The following SNW1 variants were observed in gnomAD, a reference collection of about 807,000 sequenced individuals.
SNW1 encodes SNW domain-containing protein 1.
SNW1 carries 9 observed loss-of-function variants against 75.6 expected under a neutral mutation model. The ratio of observed to expected loss-of-function variants is 0.12; its 90% confidence interval spans 0.07 to 0.21. The LOEUF (loss-of-function observed/expected upper bound fraction) is 0.21. Among genes scored for constraint, SNW1 ranks in the 10% least tolerant of loss-of-function variants. SNW1 has a pLI of 1.00. For missense variants in SNW1, 409 were observed against 670.9 expected (o/e 0.61, Z 4.31); for synonymous variants, 200 against 219.1 (o/e 0.91, Z 0.77).
At chr14:77,750,487 C>T (rs1311225821) in intron 3 of SNW1, among the ~76,000 whole-genome samples, 1 of 152,138 alleles carries the variant, frequency 6.6e-6, no homozygotes, top group East Asian at 1.9e-4. Context: ...TCCCCCAAAG[C>T]TCAGCAGCCA....
intron 10 of SNW1, among the ~76,000 whole-genome samples, chr14:77,727,058 T>TA (rs1430947238): frequency 1.3e-5 from 2 of 151,788 alleles, no homozygotes; most frequent in Non-Finnish European, 2.9e-5. Flanking sequence ...GATGTCTTGT[T>TA]TTTTTTTGTT....
chr14:77,743,116 T>G lies in SNW1; in HGVS notation c.331-4055A>C, dbSNP rs375219496. Among the ~76,000 whole-genome samples, 8 of 151,728 alleles carry G rather than the reference T, an allele frequency of 5.3e-5. No individual in the cohort carries two copies. The East Asian group carries it at 9.8e-4, about 19-fold the overall frequency. On this transcript the variant is annotated intron_variant, in intron 3 of 13. Coordinates refer to ENST00000261531, the MANE Select transcript of SNW1 (RefSeq NM_012245.3). ...GGCACATGCCTGTAATCCCAGCTAC[T>G]CAGGAGGCTGAGGCAGGAGAATCAC...
intron 7 of SNW1, 124 bp from the exon 8 acceptor site, chr14:77,735,136 C>A: frequency 1.7e-6 from 1 of 591,816 alleles, no homozygotes. Flanking sequence ...TAGTAAAAGG[C>A]CAGCAGTCCA....
rs1028039450 is a variant in SNW1, at chr14:77,718,590, CAT to C, written c.1249-62_1249-61del. The C allele has an allele frequency of 1.6e-4, 184 of 1,161,714 alleles. 1 individual carries two copies. Among genetic ancestry groups the C allele is most frequent in the Non-Finnish European group, 2.5e-5 (20 of 806,262 alleles). 72.0% of individuals were successfully genotyped at this position (1,161,714 alleles called of 1,614,324 possible). ...AAACATTGTTTATCAAAAGCTGAATCATAACATGTTTACAGTAAACCCTTGCT... is the reference window on the plus strand; with the variant it reads ...AAACATTGTTTATCAAAAGCTGAATCAACATGTTTACAGTAAACCCTTGCT... On this transcript the variant is annotated intron_variant, in intron 12 of 13. Coordinates refer to ENST00000261531, the MANE Select transcript of SNW1 (RefSeq NM_012245.3).
intron 9 of SNW1, 90 bp downstream of exon 9, chr14:77,732,395 C>A: frequency 1.3e-6 from 1 of 768,778 alleles, no homozygotes; most frequent in Non-Finnish European, 2.2e-6. Flanking sequence ...TTTGGGTGCT[C>A]GGTACTATAG....
At chr14:77,746,118 C>T (rs191108569) in intron 3 of SNW1, among the ~76,000 whole-genome samples, 66 of 152,270 alleles carry the variant, frequency 4.3e-4, no homozygotes, top group Non-Finnish European at 8.2e-4. Flanking sequence ...TTCAGTATTC[C>T]GATCAGGAGA....
intron 12 of SNW1, among the ~76,000 whole-genome samples, chr14:77,720,307 G>A (rs1229425901): frequency 7.9e-5 from 12 of 152,044 alleles, no homozygotes; most frequent in Admixed American, 5.9e-4. Context: ...GCTAGTTTTC[G>A]TATTTTTAGT....
chr14:77,744,748 C>G (rs1001730487), intron 3 of SNW1, among the ~76,000 whole-genome samples: 1 of 152,046 alleles, frequency 6.6e-6, no homozygotes, highest in African/African-American at 2.4e-5. Context: ...AAATTGTTGC[C>G]CTTAGATGTT....
In SNW1 at chr14:77,717,934, T is replaced by C; in HGVS notation, c.*154A>G. 3 of 666,948 alleles carry C rather than the reference T, an allele frequency of 4.5e-6. No individual in the cohort carries two copies. 41.3% of individuals were successfully genotyped at this position (666,948 alleles called of 1,614,324 possible). ...AACTAAATAATTCAAAGTAGAATTT[T>C]CTATCCCCCCCATTTCTCCAGTAAT... On this transcript the variant is annotated 3_prime_UTR_variant, in exon 14 of 14. Coordinates refer to ENST00000261531, the MANE Select transcript of SNW1 (RefSeq NM_012245.3).
intron 10 of SNW1, among the ~76,000 whole-genome samples, chr14:77,724,214 CATT>C (rs1351294575): frequency 6.6e-6 from 1 of 151,996 alleles, no homozygotes; most frequent in Non-Finnish European, 1.5e-5. Flanking sequence ...GATATATAAT[CATT>C]ATACATATTT....
chr14:77,743,239 G>A (rs1339457687), intron 3 of SNW1, among the ~76,000 whole-genome samples: 1 of 149,680 alleles, frequency 6.7e-6, no homozygotes, highest in Non-Finnish European at 1.5e-5. Flanking sequence ...AAAAAAAAAA[G>A]ATTTATCACT....
chr14:77,746,920 CG>C (rs959612180), intron 3 of SNW1, among the ~76,000 whole-genome samples: 3 of 150,682 alleles, frequency 2.0e-5, no homozygotes, highest in African/African-American at 7.3e-5. Flanking sequence ...CTTCTGTGCA[CG>C]GTCTCCCTCT....
At chr14:77,739,185 CT>C in intron 3 of SNW1, 124 bp from the exon 4 acceptor site, 1 of 710,530 alleles carries the variant, frequency 1.4e-6, no homozygotes, top group Non-Finnish European at 2.5e-6. Flanking sequence ...CAGATTTTCT[CT>C]TTTAGATTTT....
intron 10 of SNW1, among the ~76,000 whole-genome samples, chr14:77,726,249 A>G (rs2080583796): frequency 6.6e-6 from 1 of 152,094 alleles, no homozygotes; most frequent in African/African-American, 2.4e-5. Context: ...AACAATAATA[A>G]TTTTTCCAAT....
At chr14:77,723,356 A>AT (rs2080559195) in intron 10 of SNW1, 79 bp from the exon 11 acceptor site, 2 of 1,092,874 alleles carry the variant, frequency 1.8e-6, no homozygotes, top group East Asian at 2.4e-5. Context: ...TATATATATA[A>AT]TTTTTTAAAA....
chr14:77,721,015 A>G (rs942799318), intron 11 of SNW1, 187 bp from the exon 12 acceptor site: 11 of 571,476 alleles, frequency 1.9e-5, no homozygotes, highest in Admixed American at 3.3e-5. Flanking sequence ...GATTAGAGGG[A>G]GAGTTTTACA....
intron 3 of SNW1, among the ~76,000 whole-genome samples, chr14:77,744,030 C>T (rs1483427110): frequency 2.0e-5 from 3 of 151,272 alleles, no homozygotes; most frequent in Admixed American, 6.6e-5. Flanking sequence ...ACGATCTGGC[C>T]GGGTGTAGTC....
Position 77,755,104 on chromosome 14 carries a change from T to C in SNW1, c.31A>G (p.Thr11Ala), listed in dbSNP as rs144998579. Reference protein sequence around the residue: MALTSFLPAPTQLSQDQLEAE... With the variant: MALTSFLPAPAQLSQDQLEAE... ...TCAAGCTGGTCCTGAGATAGCTGAG[T>C]AGGTGCAGGTAAAAAGCTATAAGCA... Residue 11 changes from threonine to alanine, a missense_variant, in exon 2 of 14, where the codon ACT (threonine) becomes GCT (alanine). Physicochemically the swap from Thr to Ala is moderately conservative, Grantham distance 58. Coordinates refer to ENST00000261531, the MANE Select transcript of SNW1 (RefSeq NM_012245.3). 2 of 1,612,462 alleles carry C rather than the reference T, an allele frequency of 1.2e-6. No individual in the cohort carries two copies. The highest frequency in any genetic ancestry group is 1.7e-5 in the Admixed American group (1 of 59,836).
intron 3 of SNW1, among the ~76,000 whole-genome samples, chr14:77,749,139 AAC>A (rs1450738347): frequency 6.6e-6 from 1 of 152,252 alleles, no homozygotes; most frequent in African/African-American, 2.4e-5. Flanking sequence ...CTGGGCTGGA[AAC>A]ACAGATTGAA....
Sources: gnomAD v4.1 joint callset for allele counts (sites outside exome capture counted in the v4.1 genomes callset) on GRCh38, gnomAD v4.1.1 for gene constraint, MANE v1.5 for transcripts, NCBI Gene and HGNC (gene_info 2026-07-23, HGNC 2026-07-21) for gene names.